The following TRIM29 variants were observed in gnomAD, a reference collection of about 807,000 sequenced individuals.
TRIM29 encodes tripartite motif-containing protein 29.
A neutral mutation model predicts 57.3 loss-of-function variants in TRIM29; 52 were observed. The ratio of observed to expected loss-of-function variants is 0.91; its 90% confidence interval spans 0.73 to 1.14. The LOEUF (loss-of-function observed/expected upper bound fraction) is 1.14, where lower values mean the gene tolerates loss of function less well. Among genes scored for constraint, TRIM29 ranks in the 50% most tolerant of loss-of-function variants. The pLI is 0.00. For synonymous variants in TRIM29, 319 were observed against 316.9 expected, an observed-to-expected ratio of 1.01 and a Z score of -0.07; for missense variants, 753 against 774.6, an observed-to-expected ratio of 0.97 and a Z score of 0.33.
At chr11:120,116,772 C>T in intron 7 of TRIM29, 1 of 190,692 alleles carries the variant, frequency 5.2e-6, no homozygotes, top group Non-Finnish European at 1.1e-5. Flanking sequence ...CCCAAGACAC[C>T]CGCCTTGTGC....
intron 8 of TRIM29, among the ~76,000 whole-genome samples, chr11:120,112,975 G>A (rs1863172240): frequency 6.6e-6 from 1 of 152,180 alleles, no homozygotes; most frequent in Non-Finnish European, 1.5e-5. Flanking sequence ...AGGTCACTCA[G>A]CTGGTAAGCA....
rs1863573551 is a variant in TRIM29 at position 120,125,745 on chromosome 11, T to C, written c.1279A>G (p.Met427Val). ...LNVCMRHVEK[M>V]CKADLSRNFI... ...TTACGGCTCAGGTCCGCCTTGCACA[T>C]CTTCTCAACGTGGCGCATGCATACA... The change falls in exon 4 of 9, where the codon ATG (methionine) becomes GTG (valine). Residue 427 changes from methionine (M) to valine (V), a missense_variant. Physicochemically the swap from Met to Val is conservative, Grantham distance 21 (BLOSUM62 1). Transcript: ENST00000341846. 1 of 1,614,072 alleles carries C rather than the reference T, an allele frequency of 6.2e-7. No individual in the cohort carries two copies. The highest frequency in any genetic ancestry group is 1.3e-5 in the African/African-American group (1 of 74,914).
rs1863840998 is a variant in TRIM29 at position 120,137,383 on chromosome 11, T to G, written c.649A>C (p.Ile217Leu). 6.2e-7 allele frequency: 1 copy of G among 1,613,122 alleles called. No homozygotes were observed. Among genetic ancestry groups the G allele is most frequent in the Non-Finnish European group, 8.5e-7 (1 of 1,179,970 alleles). Residue 217 changes from isoleucine (I) to leucine (L), a missense_variant, in exon 1 of 9, where the codon ATC becomes CTC. By Grantham distance (5) the Ile-to-Leu change is conservative. Coordinates refer to ENST00000341846, the MANE Select transcript of TRIM29 (RefSeq NM_012101.4). The surrounding 1 kb of genome is among the most constrained non-coding windows in gnomAD (Gnocchi z 6.2). The part of the protein sequence containing the change: ...AFRDHQLLEP[I>L]RDFEARKCPV... ...CACTTGCGGGCCTCAAAGTCCCGGATGGGCTCGAGCAGCTGGTGGTCTCGG... is the reference window on the plus strand; with the variant it reads ...CACTTGCGGGCCTCAAAGTCCCGGAGGGGCTCGAGCAGCTGGTGGTCTCGG...
intron 7 of TRIM29, 56 bp from the exon 8 acceptor site, chr11:120,115,470 C>A: frequency 2.0e-6 from 3 of 1,509,480 alleles, no homozygotes; most frequent in African/African-American, 1.4e-5. Flanking sequence ...CAGGGGTGCC[C>A]GGGCCCAGAG....
intron 1 of TRIM29, among the ~76,000 whole-genome samples, chr11:120,129,085 G>A (rs1863665491): frequency 6.6e-6 from 1 of 152,190 alleles, no homozygotes; most frequent in East Asian, 1.9e-4. Context: ...TTTTACCCAG[G>A]GGCTCTGGGG....
chr11:120,128,869 G>A, intron 1 of TRIM29: 1 of 1,481,522 alleles, frequency 6.7e-7, no homozygotes. Context: ...GAGAAAGGAA[G>A]GGGATCCAGC....
intron 5 of TRIM29, among the ~76,000 whole-genome samples, chr11:120,122,596 A>G (rs1475580783): frequency 6.6e-6 from 1 of 152,194 alleles, no homozygotes; most frequent in Non-Finnish European, 1.5e-5. Context: ...AAAACACAGC[A>G]CCGGCCTGGC....
intron 8 of TRIM29, among the ~76,000 whole-genome samples, chr11:120,113,847 T>C (rs771544110): frequency 6.6e-6 from 1 of 152,042 alleles, no homozygotes; most frequent in Non-Finnish European, 1.5e-5. Flanking sequence ...ATAATATGGG[T>C]TGCAGGTCAA....
At chr11:120,123,198 G>A (rs1863504836) in intron 4 of TRIM29, 143 bp from the exon 5 acceptor site, 3 of 716,598 alleles carry the variant, frequency 4.2e-6, no homozygotes, top group Non-Finnish European at 7.6e-6. Context: ...ACCTCTCAGA[G>A]AATATGACGC....
At chr11:120,130,803 G>A (rs972030671) in intron 1 of TRIM29, among the ~76,000 whole-genome samples, 1 of 152,216 alleles carries the variant, frequency 6.6e-6, no homozygotes, top group East Asian at 1.9e-4. Flanking sequence ...TGTGCAGCAT[G>A]GTGGGCAGGT....
rs781713157 is a variant in TRIM29, at chr11:120,118,249, T to C, written c.1601A>G (p.Gln534Arg). ...TTTCAGGGAGAAGGAGGAGCTGCCT[T>C]GGACGACGGGCAGGTCATTGTCAGA... ...QNSDNDLPVV[Q>R]GSSSFSLKGY... Residue 534 changes from glutamine to arginine, a missense_variant, in exon 7 of 9, where the codon CAA becomes CGA. By Grantham distance (43) the Gln-to-Arg change is conservative. Transcript: ENST00000341846. The C allele has an allele frequency of 3.1e-5, 50 of 1,613,880 alleles. No homozygotes were observed. The highest frequency in any genetic ancestry group is 3.9e-5 in the Non-Finnish European group (46 of 1,179,962).
In TRIM29 at chr11:120,123,136, G is replaced by T. The variant is rs73004714; in HGVS notation, c.1334-81C>A. ...CACTGGGGACTTTTGGGGCTCAGAT[G>T]AGTCACCCCATAGCCCTTCCCCTAT... is the stretch of plus-strand genomic sequence containing the variant. On this transcript the variant is annotated intron_variant, in intron 4 of 8. Transcript: ENST00000341846. The T allele has an allele frequency of 8.2e-3, 9,563 of 1,167,100 alleles. 68 individuals carry two copies. Among genetic ancestry groups the T allele is most frequent in the South Asian group, 0.01 (827 of 82,032 alleles). The allele number at this position is 1,167,100 out of a possible 1,614,324, so 72.3% of individuals were successfully genotyped here. A position where few individuals can be genotyped will look rare whatever the true frequency, so the allele number is the denominator to read the frequency against.
At chr11:120,126,612 C>T (rs942767768) in intron 3 of TRIM29, among the ~76,000 whole-genome samples, 7 of 152,144 alleles carry the variant, frequency 4.6e-5, no homozygotes, top group African/African-American at 1.7e-4. Context: ...TCCCTTACTC[C>T]TCACCGAAGA....
In TRIM29 at chr11:120,125,883, C is replaced by A. The variant is rs761508693; in HGVS notation, c.1141G>T (p.Gly381Cys). ...AGAGAGTAATTGCTCATCAATGCAC[C>A]AAATTCCTACCAAGAAAGGAAAGAA... ...SDSVLFLQEF[G>C]ALMSNYSLPP... is the part of the protein sequence containing the mutation. Residue 381 changes from glycine (G) to cysteine (C), a missense_variant, in exon 4 of 9, where the codon GGT becomes TGT. Coordinates refer to ENST00000341846, the MANE Select transcript of TRIM29 (RefSeq NM_012101.4). 6.2e-7 allele frequency: 1 copy of A among 1,611,814 alleles called. No homozygotes were observed. The highest frequency in any genetic ancestry group is 1.7e-5 in the Admixed American group (1 of 59,980).
intron 4 of TRIM29, 60 bp downstream of exon 4, chr11:120,125,631 G>A: frequency 6.3e-7 from 1 of 1,579,110 alleles, no homozygotes; most frequent in African/African-American, 1.3e-5. Flanking sequence ...CAGGCAGCAG[G>A]AATTGATTTG....
At chr11:120,120,520 C>T (rs1863412044) in intron 6 of TRIM29, 53 bp downstream of exon 6, 3 of 1,539,378 alleles carry the variant, frequency 1.9e-6, no homozygotes, top group African/African-American at 1.4e-5. Context: ...GCCCCTCCTG[C>T]CTGCACAGCC....
intron 3 of TRIM29, among the ~76,000 whole-genome samples, chr11:120,126,511 T>C (rs1175537620): frequency 6.6e-6 from 1 of 152,320 alleles, no homozygotes; most frequent in African/African-American, 2.4e-5. Context: ...CCCAAAGTGC[T>C]GGGATTACAG....
At position 120,128,494 on chromosome 11, in the gene TRIM29, G is replaced by C; in HGVS notation, c.806C>G (p.Thr269Arg). ...TVEEAKAEKE[T>R]ELSLQKEQLQ... Reference sequence around the variant, plus strand: ...CTGCTCCTTTTGCAATGACAGCTCCGTCTGCAGAGAAAGAGCCAGGATTGG... The same window carrying C: ...CTGCTCCTTTTGCAATGACAGCTCCCTCTGCAGAGAAAGAGCCAGGATTGG... The change falls in exon 2 of 9, where the codon ACG (threonine) becomes AGG (arginine). Residue 269 changes from threonine to arginine, a missense_variant and splice_region_variant. Coordinates refer to ENST00000341846, the MANE Select transcript of TRIM29 (RefSeq NM_012101.4). 6.2e-7 allele frequency: 1 copy of C among 1,608,958 alleles called. No individual in the cohort carries two copies. Among genetic ancestry groups the C allele is most frequent in the Non-Finnish European group, 8.5e-7 (1 of 1,179,676 alleles).
chr11:120,131,388 G>A (rs1863719624), intron 1 of TRIM29, among the ~76,000 whole-genome samples: 1 of 152,122 alleles, frequency 6.6e-6, no homozygotes, highest in Non-Finnish European at 1.5e-5. Context: ...AGGGCAATAG[G>A]GCTAGTTGAG....
Sources: allele counts gnomAD v4.1 joint callset (sites outside exome capture counted in the v4.1 genomes callset), GRCh38; gene constraint gnomAD v4.1.1; non-coding constraint Gnocchi (gnomAD v3.1); transcripts MANE v1.5; gene names NCBI Gene and HGNC (gene_info 2026-07-23, HGNC 2026-07-21).